UPP2: variants seen among roughly 807,000 people sequenced by gnomAD.
The protein encoded by UPP2 is uridine phosphorylase 2.
A neutral mutation model predicts 26.7 loss-of-function variants in UPP2; 23 were observed. The observed-to-expected ratio is 0.86, with a 90% CI of 0.62 to 1.22. The LOEUF (loss-of-function observed/expected upper bound fraction) is 1.22. Among genes scored for constraint, UPP2 ranks in the 50% most tolerant of loss-of-function variants. The pLI is 0.00. For synonymous variants in UPP2, 127 were observed against 141.3 expected, an observed-to-expected ratio of 0.90 and a Z score of 0.72; for missense variants, 387 against 396.7, an observed-to-expected ratio of 0.98 and a Z score of 0.21.
rs1269978551 is a variant in UPP2 at position 158,104,962 on chromosome 2, GA to G, written c.63-1135del. On this transcript the variant is annotated intron_variant, in intron 1 of 6. Coordinates refer to ENST00000005756, the MANE Select transcript of UPP2 (RefSeq NM_173355.4). ...GAAGGGAAGGGAAGGGAAGGGAAGG[GA>G]AGGGAAGGGAAGGGAAGAGAAGGGA... Among the ~76,000 whole-genome samples, 9 of 76,364 alleles carry G rather than the reference GA, an allele frequency of 1.2e-4. No individual in the cohort carries two copies. The East Asian group carries it at 2.6e-3, about 22-fold the overall frequency. 50.1% of individuals were successfully genotyped at this position (76,364 alleles called of 152,430 possible).
chr2:158,052,422 G>A (rs1287743893), intron 3 of UPP2, among the ~76,000 whole-genome samples: 2 of 152,086 alleles, frequency 1.3e-5, no homozygotes, highest in African/African-American at 4.8e-5. Flanking sequence ...CAATAAACAG[G>A]GACACTATCG....
chr2:158,118,738 AT>A (rs1204269204), intron 4 of UPP2, among the ~76,000 whole-genome samples: 3 of 152,030 alleles, frequency 2.0e-5, no homozygotes, highest in Admixed American at 6.5e-5. Flanking sequence ...AAGGGCTGAG[AT>A]TTGGGAAGAG....
At chr2:158,134,136 A>G (rs1273988634) in intron 6 of UPP2, 1 of 152,102 alleles carries the variant, frequency 6.6e-6, no homozygotes, top group Non-Finnish European at 1.5e-5. Flanking sequence ...ATGCTAATAC[A>G]TTTCCTCTTT....
chr2:158,099,855 T>C (rs1425126738), upstream of UPP2, among the ~76,000 whole-genome samples: 1 of 152,154 alleles, frequency 6.6e-6, no homozygotes, highest in African/African-American at 2.4e-5. Context: ...CCATGGAGCA[T>C]GGATTTGGCA....
intron 3 of UPP2, among the ~76,000 whole-genome samples, chr2:158,085,088 G>A (rs1375043711): frequency 2.0e-5 from 3 of 152,028 alleles, no homozygotes; most frequent in African/African-American, 7.2e-5. Flanking sequence ...TTGGCAGTTG[G>A]TTATTTTTAC....
intron 3 of UPP2, among the ~76,000 whole-genome samples, chr2:158,074,690 TACACACACACAC>T (rs56277459): frequency 2.2e-5 from 3 of 135,480 alleles, no homozygotes; most frequent in East Asian, 4.4e-4. Context: ...AAGACCTTCA[TACACACACACAC>T]ACACACACAC....
chr2:158,054,390 T>G (rs575939056), intron 3 of UPP2, among the ~76,000 whole-genome samples: 11 of 147,764 alleles, frequency 7.4e-5, no homozygotes, highest in East Asian at 3.9e-4. Flanking sequence ...TTGAGGTTTT[T>G]TTTTTTTTTT....
In UPP2 at chr2:158,115,238, C is replaced by G; in HGVS notation, c.318C>G (p.Thr106=). The G allele has an allele frequency of 6.2e-7, 1 of 1,609,534 alleles. No homozygotes were observed. Among genetic ancestry groups the G allele is most frequent in the Non-Finnish European group, 8.5e-7 (1 of 1,178,148 alleles). Residue 106 remains threonine (T), a synonymous_variant, in exon 3 of 7, where the codon ACC becomes ACG. Transcript: ENST00000005756. ...AGTDRYCMYK[T]GPVLAISHGM... ...CAGACAGATACTGTATGTACAAAAC[C>G]GGGCCTGTGCTCGCCATCAGTGTAA...
intron 2 of UPP2, among the ~76,000 whole-genome samples, chr2:158,012,988 C>T (rs75610766): frequency 2.6e-5 from 4 of 151,792 alleles, no homozygotes; most frequent in Non-Finnish European, 5.9e-5. Flanking sequence ...TAGATTGTTT[C>T]GAATTTAAGC....
chr2:158,088,704 T>C (rs1404826536), intron 3 of UPP2, among the ~76,000 whole-genome samples: 4 of 152,214 alleles, frequency 2.6e-5, no homozygotes, highest in Non-Finnish European at 4.4e-5. Flanking sequence ...CCCCTTCCTC[T>C]AGGGATGTGG....
At chr2:158,016,592 C>T (rs777111553) in intron 3 of UPP2, among the ~76,000 whole-genome samples, 1 of 151,998 alleles carries the variant, frequency 6.6e-6, no homozygotes, top group African/African-American at 2.4e-5. Context: ...CTGCCTGCCT[C>T]GGCATCTAAA....
At chr2:158,083,883 A>C (rs1015960071) in intron 3 of UPP2, among the ~76,000 whole-genome samples, 6 of 148,796 alleles carry the variant, frequency 4.0e-5, no homozygotes, top group East Asian at 3.9e-4. Context: ...ATATATATAT[A>C]TCTCACAAGT....
intron 3 of UPP2, among the ~76,000 whole-genome samples, chr2:158,075,367 A>G (rs989354210): frequency 1.3e-5 from 2 of 152,052 alleles, no homozygotes; most frequent in African/African-American, 2.4e-5. Flanking sequence ...TTAAGAGAAC[A>G]TTTTAGCCAA....
chr2:158,007,233 C>G (rs1683505959), intron 2 of UPP2, among the ~76,000 whole-genome samples: 1 of 152,178 alleles, frequency 6.6e-6, no homozygotes, highest in African/African-American at 2.4e-5. Context: ...TATCATTATA[C>G]TCAGTTGACA....
At chr2:158,068,791 TATATATATATA>T (rs1263763812) in intron 3 of UPP2, among the ~76,000 whole-genome samples, 33 of 16,678 alleles carry the variant, frequency 2.0e-3, no homozygotes, top group South Asian at 6.3e-3. Flanking sequence ...TATATATATA[TATATATATATA>T]TTTTTTTTTT....
At chr2:158,039,136 T>G (rs1173327374) in intron 3 of UPP2, among the ~76,000 whole-genome samples, 1 of 152,200 alleles carries the variant, frequency 6.6e-6, no homozygotes. Context: ...AAGCCATAGT[T>G]GCTCTGTGGG....
At chr2:158,001,575 T>C (rs1002791035) in intron 2 of UPP2, among the ~76,000 whole-genome samples, 6 of 152,112 alleles carry the variant, frequency 3.9e-5, no homozygotes, top group African/African-American at 1.4e-4. Flanking sequence ...AGCCTCCTAC[T>C]TGGGGCACAG....
chr2:158,073,173 A>C (rs747895305), intron 3 of UPP2, among the ~76,000 whole-genome samples: 3 of 152,144 alleles, frequency 2.0e-5, no homozygotes, highest in Non-Finnish European at 4.4e-5. Context: ...TCTGGAGCTG[A>C]AAAATGCAAC....
chr2:158,101,906 T>C lies in UPP2; in HGVS notation c.-158T>C, dbSNP rs1280850314. ...AAAATTTAAAATGCTAAAGGAAAAA[T>C]TTTCTTAGCAATTTCACAGGAAAAC... is the stretch of plus-strand genomic sequence containing the variant. On this transcript the variant is annotated 5_prime_UTR_variant, in exon 1 of 7. Coordinates refer to ENST00000005756, the MANE Select transcript of UPP2 (RefSeq NM_173355.4). 1.6e-5 allele frequency: 22 copies of C among 1,353,588 alleles called. No homozygotes were observed. Among genetic ancestry groups the C allele is most frequent in the Non-Finnish European group, 2.0e-5 (21 of 1,054,930 alleles). The allele number at this position is 1,353,588 out of a possible 1,614,324, so 83.8% of individuals were successfully genotyped here.
Sources: allele counts gnomAD v4.1 joint callset (sites outside exome capture counted in the v4.1 genomes callset), GRCh38; gene constraint gnomAD v4.1.1; transcripts MANE v1.5; gene names NCBI Gene and HGNC (gene_info 2026-07-23, HGNC 2026-07-21).